The following PLA2G4A variants were observed in gnomAD, a reference collection of about 807,000 sequenced individuals.
PLA2G4A encodes phospholipase A2 group IVA.
A neutral mutation model predicts 81.9 loss-of-function variants in PLA2G4A; 40 were observed. That is an observed-to-expected ratio of 0.49 (90% CI 0.38 to 0.64). The LOEUF is 0.64. Among genes scored for constraint, PLA2G4A ranks in the 30% least tolerant of loss-of-function variants. The pLI, the probability that PLA2G4A is intolerant of heterozygous loss-of-function variation, is 0.00. For missense variants in PLA2G4A, 715 were observed against 905.1 expected, an observed-to-expected ratio of 0.79 and a Z score of 2.69; for synonymous variants, 302 against 296.9, an observed-to-expected ratio of 1.02 and a Z score of -0.18.
intron 16 of PLA2G4A, among the ~76,000 whole-genome samples, chr1:186,978,082 C>A (rs1657594233): frequency 6.6e-6 from 1 of 152,144 alleles, no homozygotes; most frequent in African/African-American, 2.4e-5. Context: ...GATTTTTAAT[C>A]AAATATTTTG....
intron 2 of PLA2G4A, among the ~76,000 whole-genome samples, chr1:186,863,279 G>A (rs1022127476): frequency 6.6e-6 from 1 of 152,076 alleles, no homozygotes; most frequent in Non-Finnish European, 1.5e-5. Flanking sequence ...ATATTTTCTT[G>A]TACTGGTTTT....
chr1:186,911,445 A>T (rs1186801757), intron 7 of PLA2G4A, 56 bp downstream of exon 7: 1 of 1,289,864 alleles, frequency 7.8e-7, no homozygotes, highest in African/African-American at 1.5e-5. Flanking sequence ...TAGCTTGGAC[A>T]ATTTCCCCAA....
intron 15 of PLA2G4A, among the ~76,000 whole-genome samples, chr1:186,976,411 T>G (rs2102293762): frequency 6.6e-6 from 1 of 152,340 alleles, no homozygotes; most frequent in South Asian, 2.1e-4. Context: ...TTTTCTTCTC[T>G]TTACTGGCAT....
intron 8 of PLA2G4A, among the ~76,000 whole-genome samples, chr1:186,938,296 A>G (rs1231942336): frequency 6.6e-6 from 1 of 152,132 alleles, no homozygotes; most frequent in Non-Finnish European, 1.5e-5. Context: ...CACCATAACT[A>G]AATTTTTATT....
chr1:186,910,085 GT>G (rs1274951283), intron 6 of PLA2G4A, among the ~76,000 whole-genome samples: 1 of 151,724 alleles, frequency 6.6e-6, no homozygotes, highest in Non-Finnish European at 1.5e-5. Context: ...AAACTTTTTT[GT>G]TATTAATTCT....
chr1:186,837,736 C>CCAAAAAAAAAAAA (rs1553267317), intron 1 of PLA2G4A, among the ~76,000 whole-genome samples: 2 of 55,230 alleles, frequency 3.6e-5, no homozygotes, highest in African/African-American at 7.7e-5. Context: ...GACTCCGTCT[C>CCAAAAAAAAAAAA]AAAAAAAAAA....
At chr1:186,888,882 T>A (rs974023436) in intron 3 of PLA2G4A, among the ~76,000 whole-genome samples, 8 of 152,090 alleles carry the variant, frequency 5.3e-5, no homozygotes, top group African/African-American at 1.9e-4. Context: ...ATGAGAAAAA[T>A]CTGGCCCTAT....
At chr1:186,967,192 A>T (rs1027812988) in intron 15 of PLA2G4A, among the ~76,000 whole-genome samples, 1 of 152,176 alleles carries the variant, frequency 6.6e-6, no homozygotes, top group African/African-American at 2.4e-5. Context: ...TTATTATAAT[A>T]ACTCTTAAAT....
At chr1:186,920,275 C>T (rs1248836791) in intron 7 of PLA2G4A, among the ~76,000 whole-genome samples, 1 of 152,160 alleles carries the variant, frequency 6.6e-6, no homozygotes, top group Non-Finnish European at 1.5e-5. Context: ...CAAGTCTCTT[C>T]CCAGCAAGGG....
intron 7 of PLA2G4A, among the ~76,000 whole-genome samples, chr1:186,918,861 A>C (rs1317232586): frequency 6.6e-6 from 1 of 152,216 alleles, no homozygotes; most frequent in South Asian, 2.1e-4. Flanking sequence ...TTACCACAGC[A>C]TGGGGGGCCT....
chr1:186,984,437 G>A (rs1471617829), intron 17 of PLA2G4A, among the ~76,000 whole-genome samples: 1 of 152,146 alleles, frequency 6.6e-6, no homozygotes, highest in Non-Finnish European at 1.5e-5. Context: ...AACCAGTTAT[G>A]TGTCACATTA....
chr1:186,917,931 G>A (rs1255959214), intron 7 of PLA2G4A, among the ~76,000 whole-genome samples: 1 of 152,230 alleles, frequency 6.6e-6, no homozygotes, highest in Non-Finnish European at 1.5e-5. Context: ...GCAAGTGTGA[G>A]ACGTAGAAGT....
chr1:186,842,089 C>G (rs1418800587), intron 1 of PLA2G4A, among the ~76,000 whole-genome samples: 1 of 145,488 alleles, frequency 6.9e-6, no homozygotes, highest in Non-Finnish European at 1.5e-5. Flanking sequence ...GTTGCCCAAG[C>G]TGAAGGGCAG....
At chr1:186,875,354 C>T (rs1372705181) in intron 3 of PLA2G4A, among the ~76,000 whole-genome samples, 10 of 151,938 alleles carry the variant, frequency 6.6e-5, no homozygotes, top group Non-Finnish European at 5.9e-5. Context: ...AATTACATGA[C>T]TCATTATATT....
At chr1:186,912,183 C>A (rs531288116) in intron 7 of PLA2G4A, among the ~76,000 whole-genome samples, 90 of 152,220 alleles carry the variant, frequency 5.9e-4, no homozygotes, top group African/African-American at 1.9e-3. Context: ...GAATGTTTTT[C>A]TAGTGATCTG....
intron 7 of PLA2G4A, among the ~76,000 whole-genome samples, chr1:186,912,002 T>C (rs115038280): frequency 2.2e-4 from 33 of 152,208 alleles, no homozygotes; most frequent in African/African-American, 6.7e-4. Flanking sequence ...AGAAAAGGGA[T>C]GTCTCAGTTC....
At chr1:186,946,078 C>T (rs1009929486) in intron 10 of PLA2G4A, among the ~76,000 whole-genome samples, 33 of 152,082 alleles carry the variant, frequency 2.2e-4, no homozygotes, top group African/African-American at 7.2e-4. Context: ...CCAGAGCCCC[C>T]GCGCTTAGAC....
chr1:186,912,569 C>A (rs966734330), intron 7 of PLA2G4A, among the ~76,000 whole-genome samples: 15 of 151,882 alleles, frequency 9.9e-5, no homozygotes, highest in Admixed American at 9.9e-4. Context: ...AGTATGTAGC[C>A]TTTCCAGATA....
At chr1:186,944,585 T>C (rs995121549) in intron 10 of PLA2G4A, among the ~76,000 whole-genome samples, 1 of 152,164 alleles carries the variant, frequency 6.6e-6, no homozygotes, top group African/African-American at 2.4e-5. Flanking sequence ...GAAGAATATA[T>C]GTACCATTTG....
Sources: allele counts gnomAD v4.1 joint callset (sites outside exome capture counted in the v4.1 genomes callset), GRCh38; gene constraint gnomAD v4.1.1; transcripts MANE v1.5; gene names NCBI Gene and HGNC (gene_info 2026-07-23, HGNC 2026-07-21).